Variants in FCRL5 observed in about 807,000 individuals in gnomAD.
The protein encoded by FCRL5 is Fc receptor-like protein 5.
In FCRL5, 79 loss-of-function variants were observed where a neutral mutation model predicts 92.1. The ratio of observed to expected loss-of-function variants is 0.86; its 90% CI spans 0.72 to 1.03. FCRL5 has a LOEUF of 1.03. Among genes scored for constraint, FCRL5 ranks in the 50% least tolerant of loss-of-function variants. FCRL5 has a pLI of 0.00. For synonymous variants in FCRL5, 466 were observed against 469.3 expected, an observed-to-expected ratio of 0.99 and a Z score of 0.09; for missense variants, 1,160 against 1,181.1, an observed-to-expected ratio of 0.98 and a Z score of 0.26.
intron 13 of FCRL5, 136 bp from the exon 14 acceptor site, chr1:157,518,918 C>A (rs1240379247): frequency 1.0e-5 from 6 of 597,012 alleles, no homozygotes; most frequent in Non-Finnish European, 1.8e-5. Flanking sequence ...ACAAACTGAC[C>A]ATGGGCATTC....
At chr1:157,534,353 G>A (rs73011564) in intron 8 of FCRL5, 28,911 of 712,626 alleles carry the variant, frequency 0.041, 2,469 homozygotes, top group African/African-American at 0.27. Flanking sequence ...GCGTACTGTT[G>A]GAACATACAA....
At chr1:157,551,764 A>G (rs1390231466) in intron 1 of FCRL5, among the ~76,000 whole-genome samples, 1 of 152,256 alleles carries the variant, frequency 6.6e-6, no homozygotes, top group Non-Finnish European at 1.5e-5. Flanking sequence ...GTACACCCAC[A>G]GGGACAAAGA....
chr1:157,545,809 T>G (rs572308014), intron 3 of FCRL5, among the ~76,000 whole-genome samples: 1 of 152,312 alleles, frequency 6.6e-6, no homozygotes, highest in African/African-American at 2.4e-5. Context: ...ATTACAGGCG[T>G]AAGCCACCGC....
Position 157,525,700 on chromosome 1 carries a change from A to G in FCRL5, c.1961-1143T>C, listed in dbSNP as rs112325259. 6.4e-3 allele frequency among the ~76,000 whole-genome samples: 982 copies of G among 152,298 alleles called. 11 individuals are homozygous for G. Among genetic ancestry groups the G allele is most frequent in the African/African-American group, 0.023 (945 of 41,536 alleles). On this transcript the variant is annotated intron_variant, in intron 9 of 16. Transcript: ENST00000361835. ...GAGGTGGTAGAGATAGAGACCCAAGAAATATTTAGGAAGTCAAATCAACAG... is the reference window on the plus strand; with the variant it reads ...GAGGTGGTAGAGATAGAGACCCAAGGAATATTTAGGAAGTCAAATCAACAG...
chr1:157,518,654 C>A (rs1003325350), intron 14 of FCRL5, 46 bp downstream of exon 14: 1 of 1,570,948 alleles, frequency 6.4e-7, no homozygotes, highest in African/African-American at 1.4e-5. Context: ...CGCTTTCCCA[C>A]ACCAGCCCTC....
At chr1:157,526,688 G>T (rs1650442883) in intron 9 of FCRL5, among the ~76,000 whole-genome samples, 1 of 152,164 alleles carries the variant, frequency 6.6e-6, no homozygotes, top group African/African-American at 2.4e-5. Flanking sequence ...GGTGGATACA[G>T]AGCTAGACAC....
intron 14 of FCRL5, 82 bp from the exon 15 acceptor site, chr1:157,518,579 C>A: frequency 6.8e-7 from 1 of 1,479,318 alleles, no homozygotes; most frequent in Non-Finnish European, 9.4e-7. Flanking sequence ...CAGCCAGAGT[C>A]TCTTTTCTGG....
At chr1:157,552,294 G>C (rs199901044) in intron 1 of FCRL5, 38 bp downstream of exon 1, 1 of 1,609,958 alleles carries the variant, frequency 6.2e-7, no homozygotes, top group Non-Finnish European at 8.5e-7. Flanking sequence ...AAGCTGTCCC[G>C]ATCCCACCCA....
chr1:157,544,463 G>T lies in FCRL5; in HGVS notation c.643C>A (p.Leu215Ile). 2 of 1,614,194 alleles carry T rather than the reference G, an allele frequency of 1.2e-6. No homozygotes were observed. Among genetic ancestry groups the T allele is most frequent in the Non-Finnish European group, 1.7e-6 (2 of 1,180,032 alleles). ...NPVTLTCETQLSLERSDVPLR... is the reference protein window; with the variant it reads ...NPVTLTCETQISLERSDVPLR... ...GGGACATCTGACCTCTCTAGAGAGA[G>T]CTGGGTCTCACAGGTCAGGGTCACT... is the stretch of plus-strand genomic sequence containing the variant. Residue 215 changes from leucine (L) to isoleucine (I), a missense_variant, in exon 5 of 17, where the codon CTC (leucine) becomes ATC (isoleucine). Coordinates refer to ENST00000361835, the MANE Select transcript of FCRL5 (RefSeq NM_031281.3).
chr1:157,515,298 G>A lies in FCRL5; in HGVS notation c.*377C>T. On this transcript the variant is annotated 3_prime_UTR_variant, in exon 17 of 17. Coordinates refer to ENST00000361835, the MANE Select transcript of FCRL5 (RefSeq NM_031281.3). ...AGTTTAGGAGCACCTGAGCTGTTAG[G>A]CCAGCCCGGCATCTCCTGAAGGCCC... 3.2e-6 allele frequency: 1 copy of A among 308,950 alleles called. No homozygotes were observed. Among genetic ancestry groups the A allele is most frequent in the South Asian group, 3.6e-5 (1 of 27,538 alleles). 19.1% of individuals were successfully genotyped at this position (308,950 alleles called of 1,614,324 possible).
At chr1:157,539,591 T>C (rs527645417) in intron 6 of FCRL5, among the ~76,000 whole-genome samples, 262 of 152,354 alleles carry the variant, frequency 1.7e-3, no homozygotes, top group Admixed American at 3.1e-3. Context: ...GAAATATTAT[T>C]TGTGGGCCCC....
At chr1:157,544,752 T>G (rs762277680) in intron 4 of FCRL5, 79 bp downstream of exon 4, 8 of 1,562,068 alleles carry the variant, frequency 5.1e-6, no homozygotes, top group Non-Finnish European at 7.0e-6. Context: ...CAGTCCACCC[T>G]TTTCCTCCTG....
intron 8 of FCRL5, 98 bp downstream of exon 8, chr1:157,534,516 T>G: frequency 7.1e-7 from 1 of 1,404,820 alleles, no homozygotes; most frequent in African/African-American, 1.4e-5. Flanking sequence ...ATTAAGTTGA[T>G]TAGGGGAGGA....
In FCRL5 at chr1:157,534,771, A is replaced by G. The variant is rs764782929; in HGVS notation, c.1524T>C (p.Tyr508=). ...RGSPQILYQF[Y]HEDMPLWSSS... ...TGCTCCACAGGGGCATGTCCTCATG[A>G]TAAAACTGGTATAGGATTTGTGGGG... Residue 508 remains tyrosine, a synonymous_variant, in exon 8 of 17, where the codon TAT becomes TAC. Transcript: ENST00000361835. The G allele has an allele frequency of 6.2e-7, 1 of 1,614,086 alleles. No homozygotes were observed. Among genetic ancestry groups the G allele is most frequent in the Admixed American group, 1.7e-5 (1 of 59,998 alleles).
intron 11 of FCRL5, among the ~76,000 whole-genome samples, 167 bp downstream of exon 11, chr1:157,520,850 C>T (rs1233070476): frequency 1.3e-5 from 2 of 152,246 alleles, no homozygotes; most frequent in Non-Finnish European, 2.9e-5. Context: ...TCAGCCCCAA[C>T]GCCATCACTT....
chr1:157,547,177 T>C lies in FCRL5; in HGVS notation c.73A>G (p.Ile25Val), dbSNP rs1400313580. 8 of 1,613,766 alleles carry C rather than the reference T, an allele frequency of 5.0e-6. No homozygotes were observed. The highest frequency in any genetic ancestry group is 6.8e-6 in the Non-Finnish European group (8 of 1,180,014). ...GTGGTCCATGGAGGCTGGAGGAAAA[T>C]AATGGGCCTGGGTGTCCTTGCTGAA... ...GQFARTPRPI[I>V]FLQPPWTTVF... The change falls in exon 3 of 17, where the codon ATT becomes GTT. Residue 25 changes from isoleucine to valine, a missense_variant. Coordinates refer to ENST00000361835, the MANE Select transcript of FCRL5 (RefSeq NM_031281.3).
In FCRL5 at chr1:157,549,558, A is replaced by G. The variant is rs1261104974; in HGVS notation, c.52+2T>C. 6.2e-7 allele frequency: 1 copy of G among 1,612,174 alleles called. No homozygotes were observed. ...TGAAGAGCCAAAGACAGGAGAACTC[A>G]CCAAACTGTCCACTGACAGGAGCTG... On this transcript the variant is annotated splice_donor_variant, in intron 2 of 16. Transcript: ENST00000361835. LOFTEE classifies it high-confidence loss of function.
chr1:157,551,282 C>T (rs1015146683), intron 1 of FCRL5, among the ~76,000 whole-genome samples: 32 of 152,186 alleles, frequency 2.1e-4, no homozygotes, highest in Admixed American at 7.2e-4. Context: ...ATGCTCAGGA[C>T]CTGGCCATTA....
intron 8 of FCRL5, chr1:157,528,373 A>T (rs1650535416): frequency 6.6e-6 from 1 of 152,314 alleles, no homozygotes; most frequent in South Asian, 2.1e-4. Flanking sequence ...CAATATTGTG[A>T]AAATGGCCAT....
Sources: gnomAD v4.1 joint callset for allele counts (sites outside exome capture counted in the v4.1 genomes callset) on GRCh38, gnomAD v4.1.1 for gene constraint, MANE v1.5 for transcripts, NCBI Gene and HGNC (gene_info 2026-07-23, HGNC 2026-07-21) for gene names.